SPPL3: variants seen among roughly 807,000 people sequenced by gnomAD.
SPPL3 encodes signal peptide peptidase like 3.
A neutral mutation model predicts 42.4 loss-of-function variants in SPPL3; 5 were observed. That is an observed-to-expected ratio of 0.12 (90% CI 0.06 to 0.25). SPPL3 has a LOEUF of 0.25. Ranked by LOEUF, SPPL3 falls within the 10% of genes least tolerant of loss-of-function variation. The pLI, the probability that SPPL3 is intolerant of heterozygous loss-of-function variation, is 1.00. For missense variants in SPPL3, 235 were observed against 489.0 expected (o/e 0.48, Z 4.90); for synonymous variants, 195 against 181.8 (o/e 1.07, Z -0.58).
intron 1 of SPPL3, among the ~76,000 whole-genome samples, chr12:120,878,756 T>C (rs1873187380): frequency 6.6e-6 from 1 of 152,166 alleles, no homozygotes; most frequent in African/African-American, 2.4e-5. Context: ...TTCTGTTGTG[T>C]TATCTTACCA....
intron 1 of SPPL3, among the ~76,000 whole-genome samples, chr12:120,871,144 A>AAAGAAAAAG (rs1555253614): frequency 1.4e-5 from 2 of 142,124 alleles, no homozygotes; most frequent in African/African-American, 5.9e-5. Context: ...AAAAAAAAAA[A>AAAGAAAAAG]AAAAAGAAAA....
In SPPL3 at chr12:120,820,148, T is replaced by C. The variant is rs57040069; in HGVS notation, c.24-9262A>G. ...CCTTCTCACATGCAATTCTTACAGA[T>C]CACAAAACACCAAAGGTTGTTAGAA... On this transcript the variant is annotated intron_variant, in intron 1 of 10. Coordinates refer to ENST00000353487, the MANE Select transcript of SPPL3 (RefSeq NM_139015.5). Among the ~76,000 whole-genome samples the C allele has an allele frequency of 5.8e-3, 890 of 152,140 alleles. 10 individuals are homozygous for C. Among genetic ancestry groups the C allele is most frequent in the African/African-American group, 0.019 (804 of 41,514 alleles).
chr12:120,809,757 C>G (rs185849869), intron 2 of SPPL3, among the ~76,000 whole-genome samples: 1 of 152,222 alleles, frequency 6.6e-6, no homozygotes, highest in East Asian at 1.9e-4. Flanking sequence ...CCAAGGTTAT[C>G]AGAGAGAATA....
At chr12:120,874,769 G>C (rs1405915384) in intron 1 of SPPL3, among the ~76,000 whole-genome samples, 1 of 149,570 alleles carries the variant, frequency 6.7e-6, no homozygotes, top group Non-Finnish European at 1.5e-5. Flanking sequence ...GTGAGTGTGA[G>C]TGTGTGTGTG....
At chr12:120,887,537 A>C (rs978321186) in intron 1 of SPPL3, among the ~76,000 whole-genome samples, 2 of 152,316 alleles carry the variant, frequency 1.3e-5, no homozygotes, top group African/African-American at 4.8e-5. Context: ...ACTTAACCAA[A>C]GGGAAGAAAC....
chr12:120,815,640 T>TA (rs1870843886), intron 1 of SPPL3, among the ~76,000 whole-genome samples: 1 of 152,226 alleles, frequency 6.6e-6, no homozygotes, highest in African/African-American at 2.4e-5. Flanking sequence ...ATACTATTGT[T>TA]TAATTATTTT....
intron 1 of SPPL3, among the ~76,000 whole-genome samples, chr12:120,880,838 C>T (rs984299308): frequency 6.6e-6 from 1 of 151,464 alleles, no homozygotes; most frequent in African/African-American, 2.4e-5. Flanking sequence ...GGATTGATAT[C>T]CAGAATATAC....
intron 1 of SPPL3, among the ~76,000 whole-genome samples, chr12:120,902,598 C>T (rs572161717): frequency 1.3e-5 from 2 of 152,270 alleles, no homozygotes; most frequent in South Asian, 4.1e-4. Flanking sequence ...ACTACCATGT[C>T]GTATCAACAA....
At chr12:120,849,464 A>C (rs891136724) in intron 1 of SPPL3, among the ~76,000 whole-genome samples, 1 of 152,238 alleles carries the variant, frequency 6.6e-6, no homozygotes, top group Non-Finnish European at 1.5e-5. Context: ...TGATCTATCT[A>C]TACTAGCAAT....
In SPPL3 at chr12:120,809,977, A is replaced by G. The variant is rs73229134; in HGVS notation, c.101+832T>C. ...AAGCATTTTAGGACAACATAAAAAAATTTTTTTTTTTTTGAGACATAGTCT... is the reference window on the plus strand; with the variant it reads ...AAGCATTTTAGGACAACATAAAAAAGTTTTTTTTTTTTTGAGACATAGTCT... On this transcript the variant is annotated intron_variant, in intron 2 of 10. Transcript: ENST00000353487. Among the ~76,000 whole-genome samples the G allele has an allele frequency of 4.0e-5, 6 of 148,510 alleles. No homozygotes were observed. The East Asian group carries it at 7.9e-4, about 19-fold the overall frequency.
At chr12:120,845,246 C>T (rs753280753) in intron 1 of SPPL3, 7 of 407,084 alleles carry the variant, frequency 1.7e-5, no homozygotes, top group Non-Finnish European at 3.5e-5. Context: ...GTGGTCCCTG[C>T]TGCATTCACG....
In SPPL3 at chr12:120,840,728, G is replaced by T. The variant is rs895893103; in HGVS notation, c.24-29842C>A. ...CGCCTGTAGTCCCAAGCTATTTGGG[G>T]GGCTGAGGCAGAAGGATGGCTTGAG... On this transcript the variant is annotated intron_variant, in intron 1 of 10. Coordinates refer to ENST00000353487, the MANE Select transcript of SPPL3 (RefSeq NM_139015.5). Among the ~76,000 whole-genome samples, 3 of 152,086 alleles carry T rather than the reference G, an allele frequency of 2.0e-5. No individual in the cohort carries two copies. In the East Asian group the frequency reaches 5.8e-4, roughly 29 times the overall value.
chr12:120,886,954 G>C (rs1236447716), intron 1 of SPPL3, among the ~76,000 whole-genome samples: 4 of 151,866 alleles, frequency 2.6e-5, no homozygotes, highest in Admixed American at 6.6e-5. Context: ...TTTGTATATT[G>C]ATTACATACC....
intron 1 of SPPL3, among the ~76,000 whole-genome samples, chr12:120,840,504 G>A (rs769181969): frequency 6.6e-6 from 1 of 151,992 alleles, no homozygotes; most frequent in Non-Finnish European, 1.5e-5. Flanking sequence ...ATGTGTATGG[G>A]TTTCTCTTTG....
At chr12:120,784,725 C>T (rs953786327) in intron 3 of SPPL3, 132 bp from the exon 4 acceptor site, 1 of 583,786 alleles carries the variant, frequency 1.7e-6, no homozygotes, top group Non-Finnish European at 2.9e-6. Context: ...TTATCCAGGC[C>T]CTATGAGTCT....
intron 4 of SPPL3, 113 bp from the exon 5 acceptor site, chr12:120,783,865 G>T: frequency 1.2e-6 from 1 of 822,506 alleles, no homozygotes; most frequent in Non-Finnish European, 1.9e-6. Context: ...ATTGACTAGA[G>T]AAGAAAAATG....
intron 1 of SPPL3, among the ~76,000 whole-genome samples, chr12:120,842,399 G>C (rs1377486049): frequency 6.6e-6 from 1 of 152,152 alleles, no homozygotes; most frequent in Non-Finnish European, 1.5e-5. Context: ...TGGAGGAGAA[G>C]AGTTTACTCA....
At chr12:120,809,577 T>C (rs1182441815) in intron 2 of SPPL3, among the ~76,000 whole-genome samples, 3 of 152,238 alleles carry the variant, frequency 2.0e-5, no homozygotes, top group Admixed American at 2.0e-4. Flanking sequence ...AGCAGCATTT[T>C]CTGGTAGGTT....
At chr12:120,826,370 C>A (rs1592981989) in intron 1 of SPPL3, among the ~76,000 whole-genome samples, 1 of 151,878 alleles carries the variant, frequency 6.6e-6, no homozygotes, top group Non-Finnish European at 1.5e-5. Context: ...CCTAGACCTA[C>A]CTGCCTTGCC....
Sources: gnomAD v4.1 joint callset for allele counts (sites outside exome capture counted in the v4.1 genomes callset) on GRCh38, gnomAD v4.1.1 for gene constraint, MANE v1.5 for transcripts, NCBI Gene and HGNC (gene_info 2026-07-23, HGNC 2026-07-21) for gene names.